Variants in CPLX2 observed in about 807,000 individuals in gnomAD.
CPLX2 encodes the protein complexin 2.
Under a neutral mutation model 16.3 loss-of-function variants are expected in CPLX2, and 5 were observed. The observed-to-expected ratio is 0.31, with a 90% CI of 0.16 to 0.64. CPLX2 has a LOEUF of 0.64. Among genes scored for constraint, CPLX2 ranks in the 30% least tolerant of loss-of-function variants. The pLI is 0.79. For synonymous variants in CPLX2, 89 were observed against 73.2 expected (o/e 1.22, Z -1.10); for missense variants, 144 against 181.4 (o/e 0.79, Z 1.18).
At chr5:175,801,748 T>C (rs1419325684) in intron 1 of CPLX2, among the ~76,000 whole-genome samples, 1 of 152,150 alleles carries the variant, frequency 6.6e-6, no homozygotes, top group African/African-American at 2.4e-5. Flanking sequence ...GTACGAGTAT[T>C]CTAAATAAAA....
intron 2 of CPLX2, among the ~76,000 whole-genome samples, chr5:175,835,513 C>T (rs1254715680): frequency 1.3e-5 from 2 of 152,132 alleles, no homozygotes; most frequent in African/African-American, 2.4e-5. Flanking sequence ...AAGAAAACCA[C>T]AGGCCAATAT....
At chr5:175,825,418 A>C (rs1471588032) in intron 2 of CPLX2, among the ~76,000 whole-genome samples, 3 of 151,478 alleles carry the variant, frequency 2.0e-5, no homozygotes, top group Admixed American at 6.6e-5. Flanking sequence ...AAAAAAAAGG[A>C]AAGAAAATGG....
intron 1 of CPLX2, among the ~76,000 whole-genome samples, chr5:175,808,810 C>G (rs1758260182): frequency 6.6e-6 from 1 of 152,184 alleles, no homozygotes; most frequent in Admixed American, 6.5e-5. Flanking sequence ...GGAGTTGGGT[C>G]TGATGCCAGG....
intron 2 of CPLX2, among the ~76,000 whole-genome samples, chr5:175,833,939 C>T (rs1758777701): frequency 6.6e-6 from 1 of 152,124 alleles, no homozygotes. Flanking sequence ...CTGCAGGGCA[C>T]TTAGTTTCCA....
Position 175,872,961 on chromosome 5 carries a change from G to A in CPLX2, c.-89+1256G>A, listed in dbSNP as rs1759668361. The A allele has an allele frequency of 6.6e-6, 1 of 152,180 alleles. No individual in the cohort carries two copies. Among genetic ancestry groups the A allele is most frequent in the Non-Finnish European group, 1.5e-5 (1 of 68,052 alleles). The allele number at this position is 152,180 out of a possible 1,614,324, so 9.4% of individuals were successfully genotyped here. A position where few individuals can be genotyped will look rare whatever the true frequency, so the allele number is the denominator to read the frequency against. ...CGGTGCTTGGGCTGGGACGGGCTCG[G>A]AGGGAGTCGGAGAGGGGAAGGAAGC... On this transcript the variant is annotated intron_variant, in intron 1 of 3. Transcript: ENST00000393745. The surrounding 1 kb of genome is among the most constrained non-coding windows in gnomAD (Gnocchi z 5.0).
At chr5:175,811,787 G>T (rs1405257014) in intron 2 of CPLX2, among the ~76,000 whole-genome samples, 2 of 152,240 alleles carry the variant, frequency 1.3e-5, no homozygotes, top group Non-Finnish European at 2.9e-5. Context: ...GCACTGAAGA[G>T]CTGGATAGCA....
At position 175,878,780 on chromosome 5, in the gene CPLX2, A is replaced by T. The variant is rs538540266; in HGVS notation, c.31+10A>T. ...AAGCAGGCCCTTGGAGGTGAGGTCCAGCGCCCCTCCGCGTGTCCTCAGCCG... is the reference window on the plus strand; with the variant it reads ...AAGCAGGCCCTTGGAGGTGAGGTCCTGCGCCCCTCCGCGTGTCCTCAGCCG... On this transcript the variant is annotated intron_variant, in intron 2 of 3. Transcript: ENST00000393745. The T allele has an allele frequency of 5.7e-5, 92 of 1,613,078 alleles. No individual in the cohort carries two copies. The Admixed American group carries it at 1.4e-3, about 25-fold the overall frequency.
chr5:175,827,750 T>C (rs1166657441), intron 2 of CPLX2, among the ~76,000 whole-genome samples: 1 of 152,142 alleles, frequency 6.6e-6, no homozygotes, highest in Non-Finnish European at 1.5e-5. Flanking sequence ...ACAGTGAGAC[T>C]CCGTCTCAAT....
In CPLX2 at chr5:175,878,718, C is replaced by T. The variant is rs1051018835; in HGVS notation, c.-22C>T. The T allele has an allele frequency of 6.2e-7, 1 of 1,612,344 alleles. No individual in the cohort carries two copies. The highest frequency in any genetic ancestry group is 1.3e-5 in the African/African-American group (1 of 74,940). Reference sequence around the variant, plus strand: ...ATGCAAATTCTGCCGTGGGCTAAGGCACGCTAACCAGAGCCGGCGGCATGG... The same window carrying T: ...ATGCAAATTCTGCCGTGGGCTAAGGTACGCTAACCAGAGCCGGCGGCATGG... On this transcript the variant is annotated 5_prime_UTR_variant, in exon 2 of 4. Coordinates refer to ENST00000393745, the MANE Select transcript of CPLX2 (RefSeq NM_001008220.2).
intron 2 of CPLX2, chr5:175,861,596 C>T (rs2113690196): frequency 6.6e-6 from 1 of 152,440 alleles, no homozygotes; most frequent in East Asian, 1.9e-4. Context: ...GGCAATAGGC[C>T]TAGAAGGGAG....
intron 1 of CPLX2, among the ~76,000 whole-genome samples, chr5:175,806,125 C>T (rs1008623458): frequency 2.6e-5 from 4 of 152,156 alleles, no homozygotes; most frequent in African/African-American, 9.7e-5. Context: ...GCAATGGCTC[C>T]CCATCACCCT....
Position 175,879,037 on chromosome 5 carries a change from G to A in CPLX2, c.161G>A (p.Arg54His). 2 of 1,589,694 alleles carry A rather than the reference G, an allele frequency of 1.3e-6. No homozygotes were observed. Among genetic ancestry groups the A allele is most frequent in the Non-Finnish European group, 1.7e-6 (2 of 1,168,494 alleles). The change falls in exon 3 of 4, where the codon CGC (arginine) becomes CAC (histidine). Residue 54 changes from arginine to histidine, a missense_variant. Physicochemically the swap from Arg to His is conservative, Grantham distance 29 (BLOSUM62 0). Transcript: ENST00000393745. The part of the protein sequence containing the change: ...QEEERKAKHA[R>H]MEAEREKVRQ... ...GAGGAGCGTAAGGCCAAGCACGCGC[G>A]CATGGAGGCGGAGCGGGAGAAGGTC...
chr5:175,869,535 A>G (rs1487154351), upstream of CPLX2, among the ~76,000 whole-genome samples: 1 of 152,196 alleles, frequency 6.6e-6, no homozygotes, highest in Non-Finnish European at 1.5e-5. Context: ...AAGCAATAGT[A>G]CTACTCTTCC....
chr5:175,866,193 C>CA (rs1759473592), intron 2 of CPLX2, among the ~76,000 whole-genome samples: 1 of 152,210 alleles, frequency 6.6e-6, no homozygotes, highest in South Asian at 2.1e-4. Context: ...TGTGCCTGGG[C>CA]AAGTCCAGAG....
chr5:175,797,696 C>T (rs1758016483), intron 1 of CPLX2, among the ~76,000 whole-genome samples: 2 of 152,160 alleles, frequency 1.3e-5, no homozygotes, highest in South Asian at 4.1e-4. Context: ...CAGGCTCCCT[C>T]TCTCCCTCAC....
chr5:175,805,100 C>T (rs539891987), intron 1 of CPLX2, among the ~76,000 whole-genome samples: 1 of 152,254 alleles, frequency 6.6e-6, no homozygotes, highest in Non-Finnish European at 1.5e-5. Context: ...CTGCTGTGGC[C>T]GCTGCTGGTG....
At chr5:175,843,813 G>A (rs952280826) in intron 2 of CPLX2, among the ~76,000 whole-genome samples, 2 of 152,232 alleles carry the variant, frequency 1.3e-5, no homozygotes, top group South Asian at 2.1e-4. Flanking sequence ...AGCCTCAGGA[G>A]AGAAGGTCGT....
intron 2 of CPLX2, among the ~76,000 whole-genome samples, chr5:175,865,541 G>A (rs182906046): frequency 5.4e-4 from 83 of 152,308 alleles, no homozygotes; most frequent in Middle Eastern, 3.4e-3. Context: ...TCACACTCCA[G>A]GGTCACTTCC....
At chr5:175,871,437 G>GAGAGAGAGAA (rs1561790342), upstream of CPLX2, 1 of 63,494 alleles carries the variant, frequency 1.6e-5, no homozygotes, top group African/African-American at 5.4e-5. Context: ...GAGAGACAGA[G>GAGAGAGAGAA]AGAGAGAGAG....
Sources: gnomAD v4.1 joint callset for allele counts (sites outside exome capture counted in the v4.1 genomes callset) on GRCh38, gnomAD v4.1.1 for gene constraint, Gnocchi (gnomAD v3.1) non-coding constraint, MANE v1.5 for transcripts, NCBI Gene and HGNC (gene_info 2026-07-23, HGNC 2026-07-21) for gene names.